MCTP1: variants seen among roughly 807,000 people sequenced by gnomAD.
The protein encoded by MCTP1 is multiple C2 and transmembrane domain containing 1.
In MCTP1, 69 loss-of-function variants were observed where a neutral mutation model predicts 120.6. That is an observed-to-expected ratio of 0.57 (90% CI 0.47 to 0.70). The LOEUF (loss-of-function observed/expected upper bound fraction) is 0.70, where lower values mean the gene tolerates loss of function less well. MCTP1 is among the 30% of genes least tolerant of loss of function. The pLI, the probability that MCTP1 is intolerant of heterozygous loss-of-function variation, is 0.00. For synonymous variants in MCTP1, 529 were observed against 493.1 expected, an observed-to-expected ratio of 1.07 and a Z score of -0.96; for missense variants, 1,203 against 1,248.8, an observed-to-expected ratio of 0.96 and a Z score of 0.55.
At position 95,284,215 on chromosome 5, in the gene MCTP1, G is replaced by A; in HGVS notation, c.361C>T (p.Leu121=). Residue 121 remains leucine (L), a synonymous_variant, in exon 1 of 23, where the codon CTA becomes TTA. Coordinates refer to ENST00000515393, the MANE Select transcript of MCTP1 (RefSeq NM_024717.7). The surrounding 1 kb of genome is among the most constrained non-coding windows in gnomAD (Gnocchi z 5.2). The part of the protein sequence containing the change: ...GAGRAEQGST[L]RRRIREHLLP... ...AAATGCTCGCGGATCCGGCGGCGTA[G>A]CGTGGACCCCTGCTCGGCTCTGCCG... 6.3e-7 allele frequency: 1 copy of A among 1,577,874 alleles called. No individual in the cohort carries two copies. Among genetic ancestry groups the A allele is most frequent in the South Asian group, 1.1e-5 (1 of 87,224 alleles).
At chr5:94,819,118 T>TATTTATTTATTC (rs78332652) in intron 17 of MCTP1, among the ~76,000 whole-genome samples, 296 of 140,710 alleles carry the variant, frequency 2.1e-3, no homozygotes, top group Non-Finnish European at 3.3e-3. Context: ...TTTATTTATT[T>TATTTATTTATTC]ATTCATTCAT....
chr5:95,244,119 T>C (rs1228794261), intron 1 of MCTP1, among the ~76,000 whole-genome samples: 1 of 152,170 alleles, frequency 6.6e-6, no homozygotes, highest in East Asian at 1.9e-4. Flanking sequence ...CTCCCTTTAT[T>C]AAATGTAATA....
chr5:95,067,104 A>G, intron 1 of MCTP1, among the ~76,000 whole-genome samples: 1 of 123,232 alleles, frequency 8.1e-6, no homozygotes, highest in Admixed American at 9.9e-5. Flanking sequence ...TGAAGTAGAG[A>G]GGAGAATAGT....
At chr5:95,153,492 CAATA>C (rs1483025491) in intron 1 of MCTP1, among the ~76,000 whole-genome samples, 1 of 152,204 alleles carries the variant, frequency 6.6e-6, no homozygotes, top group Non-Finnish European at 1.5e-5. Context: ...GCCAAACACA[CAATA>C]AACTGTGCCC....
chr5:95,219,361 G>T (rs1379547356), intron 1 of MCTP1, among the ~76,000 whole-genome samples: 1 of 133,360 alleles, frequency 7.5e-6, no homozygotes, highest in African/African-American at 2.8e-5. Context: ...CAGCCTGGGC[G>T]ACAGAGTGAG....
intron 20 of MCTP1, among the ~76,000 whole-genome samples, chr5:94,711,520 C>T (rs1412790152): frequency 6.6e-6 from 1 of 152,142 alleles, no homozygotes; most frequent in African/African-American, 2.4e-5. Context: ...TCACCTCTTA[C>T]TGCCCTTCTT....
At chr5:94,924,110 T>A (rs529179681) in intron 6 of MCTP1, 89 bp from the exon 7 acceptor site, 3 of 781,498 alleles carry the variant, frequency 3.8e-6, no homozygotes, top group Non-Finnish European at 5.8e-6. Flanking sequence ...TCAAAGCAAA[T>A]AAAAAATCGA....
chr5:95,233,797 G>C (rs1485973530), intron 1 of MCTP1, among the ~76,000 whole-genome samples: 2 of 151,986 alleles, frequency 1.3e-5, no homozygotes, highest in Admixed American at 6.6e-5. Flanking sequence ...AAAAGCAAAA[G>C]GTTCTCAAAT....
intron 1 of MCTP1, among the ~76,000 whole-genome samples, chr5:95,184,913 T>TGACC (rs1476667746): frequency 3.3e-5 from 5 of 152,144 alleles, no homozygotes; most frequent in African/African-American, 1.2e-4. Flanking sequence ...ATCTCCAACC[T>TGACC]GACCAATCAG....
intron 1 of MCTP1, among the ~76,000 whole-genome samples, chr5:95,032,142 A>T (rs1229140906): frequency 6.6e-6 from 1 of 152,076 alleles, no homozygotes; most frequent in African/African-American, 2.4e-5. Context: ...CAATAATAGT[A>T]GGGGGCTTCA....
Position 94,960,712 on chromosome 5 carries a change from C to T in MCTP1, c.839-7351G>A, listed in dbSNP as rs117922689. On this transcript the variant is annotated intron_variant, in intron 2 of 22. Transcript: ENST00000515393. ...TAGAGAAATGTAATACAAATTAAAA[C>T]CCCAATGACACACCATGTCACGACC... Among the ~76,000 whole-genome samples, 10 of 152,202 alleles carry T rather than the reference C, an allele frequency of 6.6e-5. No homozygotes were observed. In the East Asian group the frequency reaches 1.9e-3, roughly 29 times the overall value.
intron 17 of MCTP1, among the ~76,000 whole-genome samples, chr5:94,840,304 G>T (rs889681456): frequency 1.3e-5 from 2 of 152,150 alleles, no homozygotes; most frequent in African/African-American, 4.8e-5. Flanking sequence ...AGAAGAAACA[G>T]GACAAAACTG....
chr5:95,001,182 T>C (rs749632332), intron 2 of MCTP1, among the ~76,000 whole-genome samples: 1 of 152,228 alleles, frequency 6.6e-6, no homozygotes, highest in Non-Finnish European at 1.5e-5. Flanking sequence ...CCCAGCCATG[T>C]GGAACTGTGA....
chr5:94,880,527 C>T (rs575668773), intron 12 of MCTP1, among the ~76,000 whole-genome samples: 1 of 152,152 alleles, frequency 6.6e-6, no homozygotes, highest in African/African-American at 2.4e-5. Flanking sequence ...AAGTCTTTGC[C>T]TTTAGAATAA....
intron 1 of MCTP1, among the ~76,000 whole-genome samples, chr5:95,174,246 A>G (rs1234413120): frequency 6.6e-6 from 1 of 152,310 alleles, no homozygotes; most frequent in African/African-American, 2.4e-5. Context: ...CCCAAAATGA[A>G]GACCATGTAT....
chr5:95,028,648 A>G (rs566427547), intron 1 of MCTP1, among the ~76,000 whole-genome samples: 5 of 152,292 alleles, frequency 3.3e-5, no homozygotes, highest in Middle Eastern at 6.8e-3. Context: ...CAAAGCAAAT[A>G]AAATTCTCTT....
intron 1 of MCTP1, among the ~76,000 whole-genome samples, chr5:95,022,362 T>C (rs1469647203): frequency 6.6e-6 from 1 of 152,212 alleles, no homozygotes; most frequent in African/African-American, 2.4e-5. Context: ...ATCTTCGTCC[T>C]TCACTCTTGA....
At chr5:95,137,749 A>G (rs1759553781) in intron 1 of MCTP1, among the ~76,000 whole-genome samples, 1 of 152,210 alleles carries the variant, frequency 6.6e-6, no homozygotes, top group Non-Finnish European at 1.5e-5. Flanking sequence ...GCTGCTTCAA[A>G]TATTTGTGGA....
chr5:94,818,459 C>T (rs1281955315), intron 17 of MCTP1, among the ~76,000 whole-genome samples: 1 of 152,140 alleles, frequency 6.6e-6, no homozygotes, highest in South Asian at 2.1e-4. Context: ...AATTTAAAGA[C>T]CCATTATGAG....
Sources: allele counts gnomAD v4.1 joint callset (sites outside exome capture counted in the v4.1 genomes callset), GRCh38; gene constraint gnomAD v4.1.1; non-coding constraint Gnocchi (gnomAD v3.1); transcripts MANE v1.5; gene names NCBI Gene and HGNC (gene_info 2026-07-23, HGNC 2026-07-21).